The following DNAH10 variants were observed in gnomAD, a reference collection of about 807,000 sequenced individuals.
DNAH10 encodes dynein axonemal heavy chain 10.
In DNAH10, 348 loss-of-function variants were observed where a neutral mutation model predicts 506.6. The observed-to-expected ratio is 0.69, with a 90% confidence interval of 0.63 to 0.75. DNAH10 has a LOEUF of 0.75. Ranked by LOEUF, DNAH10 falls within the 30% of genes least tolerant of loss-of-function variation. The pLI is 0.00. For missense variants in DNAH10, 5,179 were observed against 5,787.1 expected (o/e 0.89, Z 3.41); for synonymous variants, 2,059 against 2,198.6 (o/e 0.94, Z 1.78).
At position 123,914,312 on chromosome 12, in the gene DNAH10, C is replaced by T. The variant is rs1418057221; in HGVS notation, c.10353-17C>T. ...AGAAGGTAAACTCACGGCAGCCTCC[C>T]TCTCCTCCCGTGCCAGGTGGCTGAA... On this transcript the variant is annotated splice_polypyrimidine_tract_variant and intron_variant, in intron 60 of 78. Coordinates refer to ENST00000673944, the MANE Select transcript of DNAH10 (RefSeq NM_001372106.1). The T allele has an allele frequency of 1.2e-6, 2 of 1,606,122 alleles. No homozygotes were observed. Among genetic ancestry groups the T allele is most frequent in the Admixed American group, 1.7e-5 (1 of 59,804 alleles).
chr12:123,778,485 A>G (rs1957523139), intron 5 of DNAH10, among the ~76,000 whole-genome samples: 1 of 152,158 alleles, frequency 6.6e-6, no homozygotes, highest in African/African-American at 2.4e-5. Flanking sequence ...ACCTGAGGTC[A>G]GGAGTTCGAG....
intron 5 of DNAH10, among the ~76,000 whole-genome samples, chr12:123,778,516 G>C (rs536579288): frequency 1.3e-5 from 2 of 151,916 alleles, no homozygotes; most frequent in South Asian, 4.2e-4. Flanking sequence ...TCAATATGGC[G>C]AAACCTCCAT....
Position 123,833,166 on chromosome 12 carries a change from A to G in DNAH10, c.4598A>G (p.Lys1533Arg), listed in dbSNP as rs373741855. Residue 1533 changes from lysine to arginine, a missense_variant, in exon 27 of 79, where the codon AAG becomes AGG. Transcript: ENST00000673944. ...TWENMKFTVV[K>R]YCKGTQERGY... is the part of the protein sequence containing the mutation. ...GAAAATATGAAATTCACTGTAGTCAAGTATTGCAAAGGCACACAGGAGCGA... is the reference window on the plus strand; with the variant it reads ...GAAAATATGAAATTCACTGTAGTCAGGTATTGCAAAGGCACACAGGAGCGA... 1.2e-5 allele frequency: 20 copies of G among 1,613,746 alleles called. No homozygotes were observed. Among genetic ancestry groups the G allele is most frequent in the Non-Finnish European group, 1.6e-5 (19 of 1,179,862 alleles).
At chr12:123,924,000 A>T in intron 66 of DNAH10, 133 bp downstream of exon 66, 1 of 757,356 alleles carries the variant, frequency 1.3e-6, no homozygotes, top group Non-Finnish European at 2.1e-6. Flanking sequence ...TGCATTTTTC[A>T]CTATTCCAGT....
intron 39 of DNAH10, among the ~76,000 whole-genome samples, chr12:123,864,364 C>T (rs1951722831): frequency 2.0e-5 from 3 of 151,912 alleles, no homozygotes; most frequent in African/African-American, 2.4e-5. Flanking sequence ...CCAGACTGGT[C>T]TCGAACTCCT....
rs199575194 is a variant in DNAH10, at chr12:123,857,231, C to G, written c.6614C>G (p.Ala2205Gly). Residue 2205 changes from alanine (A) to glycine (G), a missense_variant, in exon 37 of 79, where the codon GCG (alanine) becomes GGG (glycine). Physicochemically the swap from Ala to Gly is moderately conservative, Grantham distance 60 (BLOSUM62 0). Around this residue, in one of 3 missense-constraint regions of DNAH10, gnomAD observed 4,844 missense variants for 5,430.5 expected, o/e 0.89. Coordinates refer to ENST00000673944, the MANE Select transcript of DNAH10 (RefSeq NM_001372106.1). The part of the protein sequence containing the change: ...VEQVLEENGY[A>G]VLPIQVDKVV... ...CAGGTCCTGGAGGAGAACGGCTACG[C>G]GGTCCTACCCATCCAGGTAAAGCCA... 6.4e-7 allele frequency: 1 copy of G among 1,565,874 alleles called. No homozygotes were observed. The highest frequency in any genetic ancestry group is 1.8e-5 in the Admixed American group (1 of 54,968).
At position 123,915,197 on chromosome 12, in the gene DNAH10, G is replaced by A. The variant is rs568987198; in HGVS notation, c.10722+198G>A. 6.0e-5 allele frequency among the ~76,000 whole-genome samples: 9 copies of A among 149,100 alleles called. No individual in the cohort carries two copies. In the East Asian group the frequency reaches 9.7e-4, roughly 16 times the overall value. ...TGGGTCTGCCAGGGCAGCTCAAACC[G>A]CCATGAACTCTGCCTCTCCCCTCGC... On this transcript the variant is annotated intron_variant, in intron 62 of 78. Transcript: ENST00000673944.
intron 44 of DNAH10, 40 bp from the exon 45 acceptor site, chr12:123,871,417 G>C (rs1460130050): frequency 7.0e-6 from 11 of 1,571,668 alleles, no homozygotes; most frequent in African/African-American, 1.3e-5. Flanking sequence ...TCACCCTATT[G>C]GAGTTGCTGA....
intron 30 of DNAH10, among the ~76,000 whole-genome samples, chr12:123,841,766 G>A (rs1950783686): frequency 6.6e-6 from 1 of 152,160 alleles, no homozygotes; most frequent in South Asian, 2.1e-4. Flanking sequence ...GCTCACTGCA[G>A]CCTTGACCTC....
At chr12:123,811,303 G>A (rs927978230) in intron 19 of DNAH10, among the ~76,000 whole-genome samples, 1 of 151,574 alleles carries the variant, frequency 6.6e-6, no homozygotes, top group Non-Finnish European at 1.5e-5. Context: ...CTGAATAAAT[G>A]TTAGCTATTA....
Position 123,902,081 on chromosome 12 carries a change from A to C in DNAH10, c.9641-858A>C, listed in dbSNP as rs1256915187. 3.3e-5 allele frequency among the ~76,000 whole-genome samples: 5 copies of C among 152,320 alleles called. No individual in the cohort carries two copies. The highest frequency in any genetic ancestry group is 1.2e-4 in the African/African-American group (5 of 41,562). On this transcript the variant is annotated intron_variant, in intron 56 of 78. Coordinates refer to ENST00000673944, the MANE Select transcript of DNAH10 (RefSeq NM_001372106.1). This position sits in a 1 kb window ranked among gnomAD's most constrained non-coding sequence, Gnocchi z 4.5. ...CTTCCAGCTTCTTGGGGTTGTTGGC[A>C]GCCCTTGGTATTCCTTAGCTTAGCT... is the stretch of plus-strand genomic sequence containing the variant.
chr12:123,919,060 T>C lies in DNAH10; in HGVS notation c.11506+111T>C, dbSNP rs879435324. 11 of 1,328,014 alleles carry C rather than the reference T, an allele frequency of 8.3e-6. No homozygotes were observed. Among genetic ancestry groups the C allele is most frequent in the Non-Finnish European group, 1.1e-5 (11 of 996,900 alleles). 82.3% of individuals were successfully genotyped at this position (1,328,014 alleles called of 1,614,324 possible). A position where few individuals can be genotyped will look rare whatever the true frequency, so the allele number is the denominator to read the frequency against. On this transcript the variant is annotated intron_variant, in intron 65 of 78. Coordinates refer to ENST00000673944, the MANE Select transcript of DNAH10 (RefSeq NM_001372106.1). The surrounding 1 kb of genome is among the most constrained non-coding windows in gnomAD (Gnocchi z 4.9). ...AAAGTTACCAAATAGCATTTTTTCT[T>C]TTTTCTTTCTTTCTTTCTTTTTCTT... is the stretch of plus-strand genomic sequence containing the variant.
rs1957356632 is a variant in DNAH10, at chr12:123,774,207, G to A, written c.564G>A (p.Leu188=). The change falls in exon 5 of 79, where the codon CTG becomes CTA. Residue 188 remains leucine, a synonymous_variant. Transcript: ENST00000673944. ...KEAMEIMPET[L]EYGIINANVL... is the part of the protein sequence containing the mutation. Reference sequence around the variant, plus strand: ...CTATGGAAATTATGCCAGAAACACTGGAGTATGGAATTATAAACGCTAATG... The same window carrying A: ...CTATGGAAATTATGCCAGAAACACTAGAGTATGGAATTATAAACGCTAATG... The A allele has an allele frequency of 6.2e-7, 1 of 1,611,560 alleles. No homozygotes were observed. Among genetic ancestry groups the A allele is most frequent in the Admixed American group, 1.7e-5 (1 of 59,336 alleles).
chr12:123,923,573 A>G (rs1954819145), intron 65 of DNAH10, 190 bp from the exon 66 acceptor site: 1 of 500,808 alleles, frequency 2.0e-6, no homozygotes, highest in South Asian at 2.9e-5. Flanking sequence ...AGACTGGGGC[A>G]TGACCTAGGA....
intron 71 of DNAH10, 30 bp downstream of exon 71, chr12:123,929,514 G>A (rs774704444): frequency 6.2e-7 from 1 of 1,602,050 alleles, no homozygotes; most frequent in African/African-American, 1.3e-5. Context: ...CTTGGAAATG[G>A]CTTCCTTAGG....
In DNAH10 at chr12:123,765,927, G is replaced by A. The variant is rs74318208; in HGVS notation, c.215-1679G>A. Among the ~76,000 whole-genome samples, 806 of 140,004 alleles carry A rather than the reference G, an allele frequency of 5.8e-3. 8 individuals are homozygous for A. Among genetic ancestry groups the A allele is most frequent in the African/African-American group, 0.021 (763 of 37,106 alleles). 91.8% of individuals were successfully genotyped at this position (140,004 alleles called of 152,430 possible). A position where few individuals can be genotyped will look rare whatever the true frequency, so the allele number is the denominator to read the frequency against. On this transcript the variant is annotated intron_variant, in intron 1 of 78. Coordinates refer to ENST00000673944, the MANE Select transcript of DNAH10 (RefSeq NM_001372106.1). ...ATACATCTATCCCTCTATTATCTAC[G>A]TGCCAACTGACCAATCTGTGTGTCT...
At chr12:123,892,279 A>G (rs1329910037) in intron 52 of DNAH10, among the ~76,000 whole-genome samples, 1 of 152,202 alleles carries the variant, frequency 6.6e-6, no homozygotes, top group African/African-American at 2.4e-5. Flanking sequence ...GTCATGGCAG[A>G]AGGTGAAGGG....
chr12:123,791,344 G>C (rs1046186072), intron 11 of DNAH10, among the ~76,000 whole-genome samples: 1 of 152,082 alleles, frequency 6.6e-6, no homozygotes, highest in Non-Finnish European at 1.5e-5. Context: ...TATGAAGAGT[G>C]ACCCATTGCG....
In DNAH10 at chr12:123,853,243, C is replaced by G. The variant is rs758139388; in HGVS notation, c.6329C>G (p.Ala2110Gly). ...AAGATGACGGTTCTGTATAAGCTGG[C>G]CCGGGAGCAGCTGTCCAAGCAGTAT... ...AKKMTVLYKLAREQLSKQYHY... is the reference protein window; with the variant it reads ...AKKMTVLYKLGREQLSKQYHY... Residue 2110 changes from alanine to glycine, a missense_variant, in exon 36 of 79, where the codon GCC becomes GGC. Coordinates refer to ENST00000673944, the MANE Select transcript of DNAH10 (RefSeq NM_001372106.1). The surrounding 1 kb of genome is among the most constrained non-coding windows in gnomAD (Gnocchi z 4.7). 1.1e-5 allele frequency: 17 copies of G among 1,610,114 alleles called. No homozygotes were observed. Among genetic ancestry groups the G allele is most frequent in the Non-Finnish European group, 3.4e-6 (4 of 1,178,074 alleles).
Sources: gnomAD v4.1 joint callset for allele counts (sites outside exome capture counted in the v4.1 genomes callset) on GRCh38, gnomAD v4.1.1 for gene constraint, gnomAD v4.1.1 regional missense constraint, Gnocchi (gnomAD v3.1) non-coding constraint, MANE v1.5 for transcripts, NCBI Gene and HGNC (gene_info 2026-07-23, HGNC 2026-07-21) for gene names.